The following UBASH3B variants were observed in gnomAD, a reference collection of about 807,000 sequenced individuals.
UBASH3B encodes ubiquitin associated and SH3 domain containing B.
In UBASH3B, 37 loss-of-function variants were observed where a neutral mutation model predicts 83.4. The observed-to-expected ratio is 0.44, with a 90% CI of 0.34 to 0.58. The LOEUF (loss-of-function observed/expected upper bound fraction) is 0.58, where lower values mean the gene tolerates loss of function less well. Among genes scored for constraint, UBASH3B ranks in the 20% least tolerant of loss-of-function variants. The pLI is 0.01. For missense variants in UBASH3B, 657 were observed against 827.2 expected (o/e 0.79, Z 2.52); for synonymous variants, 304 against 318.3 (o/e 0.96, Z 0.48).
intron 1 of UBASH3B, among the ~76,000 whole-genome samples, chr11:122,771,318 C>T (rs769796769): frequency 2.6e-5 from 4 of 151,918 alleles, no homozygotes; most frequent in Admixed American, 6.6e-5. Flanking sequence ...CTGCATCCTC[C>T]GCCTCCCAGG....
chr11:122,785,923 G>A (rs1349432195), intron 5 of UBASH3B, among the ~76,000 whole-genome samples: 2 of 152,206 alleles, frequency 1.3e-5, no homozygotes, highest in African/African-American at 2.4e-5. Flanking sequence ...AAGGCAGTTC[G>A]GCTCTTGTAT....
At chr11:122,708,003 T>C (rs557026214) in intron 1 of UBASH3B, among the ~76,000 whole-genome samples, 1 of 152,288 alleles carries the variant, frequency 6.6e-6, no homozygotes, top group African/African-American at 2.4e-5. Context: ...GCCTCTAATA[T>C]ATAATTTATG....
intron 1 of UBASH3B, among the ~76,000 whole-genome samples, chr11:122,666,718 C>G (rs1320709787): frequency 6.6e-6 from 1 of 152,102 alleles, no homozygotes. Context: ...CGCCCAGCTG[C>G]AGTTTCATTT....
chr11:122,785,369 C>T (rs575107306), intron 5 of UBASH3B, among the ~76,000 whole-genome samples: 3 of 152,164 alleles, frequency 2.0e-5, no homozygotes, highest in Non-Finnish European at 4.4e-5. Flanking sequence ...CTTCAACATG[C>T]CCCCAGGAGG....
At chr11:122,675,633 C>A (rs568904886) in intron 1 of UBASH3B, among the ~76,000 whole-genome samples, 5 of 152,308 alleles carry the variant, frequency 3.3e-5, no homozygotes, top group South Asian at 2.1e-4. Flanking sequence ...CAATTTAGTT[C>A]TTCAAAGCTG....
intron 1 of UBASH3B, among the ~76,000 whole-genome samples, chr11:122,755,068 C>T (rs142754648): frequency 5.9e-5 from 9 of 152,308 alleles, no homozygotes; most frequent in Non-Finnish European, 1.0e-4. Context: ...CTCTCTAAGC[C>T]TTGGTTCCCT....
chr11:122,684,468 C>T lies in UBASH3B; in HGVS notation c.161+28258C>T, dbSNP rs867664923. On this transcript the variant is annotated intron_variant, in intron 1 of 13. Transcript: ENST00000284273. ...CAGAGAAGAGTGTGTGTTAACCTCA[C>T]TAAAGCAGGTGAGGCTTCCTGGAAG... Among the ~76,000 whole-genome samples, 8 of 152,212 alleles carry T rather than the reference C, an allele frequency of 5.3e-5. No individual in the cohort carries two copies. The South Asian group carries it at 6.2e-4, about 12-fold the overall frequency.
intron 1 of UBASH3B, among the ~76,000 whole-genome samples, chr11:122,756,417 T>C (rs1311151251): frequency 2.0e-5 from 3 of 152,226 alleles, no homozygotes; most frequent in African/African-American, 7.2e-5. Flanking sequence ...TGAGCAAATG[T>C]GCCTAGTACA....
In UBASH3B at chr11:122,813,989, A is replaced by T. The variant is rs1861497195; in HGVS notation, c.*4103A>T. On this transcript the variant is annotated 3_prime_UTR_variant, in exon 14 of 14. Coordinates refer to ENST00000284273, the MANE Select transcript of UBASH3B (RefSeq NM_032873.5). ...GACTAGTCGAACTTAATATACAATCAGTTCTTGCAAATACTTTACACTTAG... is the reference window on the plus strand; with the variant it reads ...GACTAGTCGAACTTAATATACAATCTGTTCTTGCAAATACTTTACACTTAG... 1 of 152,474 alleles carries T rather than the reference A, an allele frequency of 6.6e-6. No homozygotes were observed. Among genetic ancestry groups the T allele is most frequent in the Non-Finnish European group, 1.5e-5 (1 of 68,040 alleles). The allele number at this position is 152,474 out of a possible 1,614,324, so 9.4% of individuals were successfully genotyped here. A position where few individuals can be genotyped will look rare whatever the true frequency, so the allele number is the denominator to read the frequency against.
At position 122,809,866 on chromosome 11, in the gene UBASH3B, G is replaced by A; in HGVS notation, c.1930G>A (p.Glu644Lys). ...HGPTGGFNWR[E>K]TLLQE ...ACCAACTGGGGGCTTCAACTGGAGA[G>A]AGACCTTGCTTCAAGAATAAACCAC... The change falls in exon 14 of 14, where the codon GAG (glutamate) becomes AAG (lysine). Residue 644 changes from glutamate to lysine, a missense_variant. Coordinates refer to ENST00000284273, the MANE Select transcript of UBASH3B (RefSeq NM_032873.5). The A allele has an allele frequency of 6.2e-7, 1 of 1,614,174 alleles. No homozygotes were observed. Among genetic ancestry groups the A allele is most frequent in the Non-Finnish European group, 8.5e-7 (1 of 1,180,012 alleles).
At chr11:122,772,276 G>C (rs1860658485) in intron 1 of UBASH3B, among the ~76,000 whole-genome samples, 1 of 152,138 alleles carries the variant, frequency 6.6e-6, no homozygotes, top group South Asian at 2.1e-4. Flanking sequence ...ATATTGCATT[G>C]TAAGAAGCTG....
intron 1 of UBASH3B, among the ~76,000 whole-genome samples, chr11:122,663,668 G>A (rs558861925): frequency 9.2e-5 from 14 of 152,326 alleles, no homozygotes; most frequent in Middle Eastern, 3.4e-3. Context: ...ATAAGCCTGT[G>A]TAAGGGTATC....
At chr11:122,718,414 T>G (rs1017385458) in intron 1 of UBASH3B, among the ~76,000 whole-genome samples, 3 of 152,286 alleles carry the variant, frequency 2.0e-5, no homozygotes, top group Middle Eastern at 3.4e-3. Context: ...TTGGGCAGAC[T>G]TGTGAAAGGA....
intron 1 of UBASH3B, among the ~76,000 whole-genome samples, chr11:122,744,696 T>C (rs1451896033): frequency 1.7e-5 from 1 of 57,896 alleles, no homozygotes; most frequent in African/African-American, 8.3e-5. Context: ...GTGGGTGTGA[T>C]CACATGTGCA....
chr11:122,749,749 T>G (rs1253193243), intron 1 of UBASH3B, among the ~76,000 whole-genome samples: 1 of 152,196 alleles, frequency 6.6e-6, no homozygotes, highest in African/African-American at 2.4e-5. Context: ...TTATTTTATT[T>G]TAAGACAGAG....
intron 1 of UBASH3B, among the ~76,000 whole-genome samples, chr11:122,705,623 A>G (rs1864107921): frequency 6.6e-6 from 1 of 152,108 alleles, no homozygotes; most frequent in Non-Finnish European, 1.5e-5. Flanking sequence ...GCCCTAATCA[A>G]GGAGGACTAT....
chr11:122,682,029 C>G lies in UBASH3B; in HGVS notation c.161+25819C>G, dbSNP rs930795522. Among the ~76,000 whole-genome samples the G allele has an allele frequency of 2.0e-5, 3 of 152,112 alleles. No homozygotes were observed. The East Asian group carries it at 5.8e-4, about 29-fold the overall frequency. On this transcript the variant is annotated intron_variant, in intron 1 of 13. Coordinates refer to ENST00000284273, the MANE Select transcript of UBASH3B (RefSeq NM_032873.5). ...AAGATGGGCCCATCTCCTGTCTGTT[C>G]TCCCTGCCTTGTCAAAAAAGCACCA...
intron 1 of UBASH3B, among the ~76,000 whole-genome samples, chr11:122,722,111 C>T (rs541451293): frequency 3.6e-4 from 55 of 152,320 alleles, no homozygotes; most frequent in African/African-American, 1.2e-3. Context: ...GTTTGAAGCT[C>T]ACAAAGCTTC....
intron 1 of UBASH3B, among the ~76,000 whole-genome samples, chr11:122,746,380 C>A (rs764243004): frequency 2.8e-4 from 42 of 152,186 alleles, no homozygotes; most frequent in Non-Finnish European, 5.1e-4. Flanking sequence ...AAGGTTGCTT[C>A]AGCGTGAACA....
Sources: allele counts gnomAD v4.1 joint callset (sites outside exome capture counted in the v4.1 genomes callset), GRCh38; gene constraint gnomAD v4.1.1; transcripts MANE v1.5; gene names NCBI Gene and HGNC (gene_info 2026-07-23, HGNC 2026-07-21).